The following CHRM1 variants were observed in gnomAD, a reference collection of about 807,000 sequenced individuals.
The protein encoded by CHRM1 is cholinergic receptor muscarinic 1.
A neutral mutation model predicts 31.6 loss-of-function variants in CHRM1; 5 were observed. That is an observed-to-expected ratio of 0.16 (90% CI 0.08 to 0.33). The LOEUF is 0.33. Ranked by LOEUF, CHRM1 falls within the 10% of genes least tolerant of loss-of-function variation. The pLI, the probability that CHRM1 is intolerant of heterozygous loss-of-function variation, is 1.00. For missense variants in CHRM1, 338 were observed against 610.3 expected, an observed-to-expected ratio of 0.55 and a Z score of 4.70; for synonymous variants, 227 against 249.7, an observed-to-expected ratio of 0.91 and a Z score of 0.86.
chr11:62,909,539 G>T lies in CHRM1; in HGVS notation c.*179C>A. On this transcript the variant is annotated 3_prime_UTR_variant, in exon 2 of 2. Coordinates refer to ENST00000306960, the MANE Select transcript of CHRM1 (RefSeq NM_000738.3). The stretch of plus-strand genomic sequence containing the variant: ...TTCCCCGGGTTTCCCTCCCTGCCTG[G>T]GAATAGCGAAGTCTGGAAAGTTGGC... The T allele has an allele frequency of 1.4e-6, 1 of 695,280 alleles. No individual in the cohort carries two copies. Among genetic ancestry groups the T allele is most frequent in the Non-Finnish European group, 2.4e-6 (1 of 423,250 alleles). 43.1% of individuals were successfully genotyped at this position (695,280 alleles called of 1,614,324 possible).
chr11:62,918,623 G>A (rs1429705881), intron 1 of CHRM1, among the ~76,000 whole-genome samples: 7 of 152,208 alleles, frequency 4.6e-5, no homozygotes, highest in African/African-American at 1.7e-4. Context: ...GAGGTGCCAG[G>A]ACAGACATGG....
chr11:62,915,302 C>T (rs2085894916), intron 1 of CHRM1, among the ~76,000 whole-genome samples: 1 of 149,972 alleles, frequency 6.7e-6, no homozygotes, highest in South Asian at 2.1e-4. Flanking sequence ...AAAACTTAGT[C>T]TTCAAGAAAA....
rs1199861018 is a variant in CHRM1 at position 62,920,979 on chromosome 11, G to A, written c.-79+239C>T. On this transcript the variant is annotated intron_variant, in intron 1 of 1. Transcript: ENST00000306960. ...GGGATCTCCATCTCCTCTGCCAGCA[G>A]AAGCCCAGAAAAACATCAGCTATAT... Among the ~76,000 whole-genome samples, 3 of 152,100 alleles carry A rather than the reference G, an allele frequency of 2.0e-5. No homozygotes were observed. The East Asian group carries it at 5.8e-4, about 29-fold the overall frequency.
intron 1 of CHRM1, among the ~76,000 whole-genome samples, chr11:62,916,420 C>T (rs1288030176): frequency 6.6e-6 from 1 of 152,210 alleles, no homozygotes; most frequent in African/African-American, 2.4e-5. Context: ...CTAGCTATAA[C>T]TTTGGTGAAT....
At chr11:62,916,781 T>C (rs2085902696) in intron 1 of CHRM1, 1 of 152,388 alleles carries the variant, frequency 6.6e-6, no homozygotes, top group Non-Finnish European at 1.5e-5. Context: ...GGTGGGATTC[T>C]GACCCGGACC....
intron 1 of CHRM1, among the ~76,000 whole-genome samples, chr11:62,911,585 C>A (rs757093862): frequency 6.6e-6 from 1 of 152,232 alleles, no homozygotes; most frequent in Non-Finnish European, 1.5e-5. Context: ...GTAGTCACTG[C>A]ATGCCAGACA....
rs992897196 is a variant in CHRM1, at chr11:62,911,133, C to T, written c.-33G>A. 7.5e-6 allele frequency: 12 copies of T among 1,600,390 alleles called. No homozygotes were observed. The highest frequency in any genetic ancestry group is 1.0e-5 in the Non-Finnish European group (12 of 1,172,250). The stretch of plus-strand genomic sequence containing the variant: ...AGGTGGGGCTGGGGTTGGAGAGCCC[C>T]TTCCTCCAGGCACGCTACAGGGCTT... On this transcript the variant is annotated 5_prime_UTR_variant, in exon 2 of 2. Transcript: ENST00000306960.
intron 1 of CHRM1, chr11:62,917,937 C>T (rs2085909237): frequency 6.6e-6 from 1 of 152,076 alleles, no homozygotes; most frequent in African/African-American, 2.4e-5. Context: ...TCCTGCTATC[C>T]CCAGTTTGCA....
chr11:62,912,797 C>T (rs1458550940), intron 1 of CHRM1, among the ~76,000 whole-genome samples: 1 of 152,182 alleles, frequency 6.6e-6, no homozygotes, highest in East Asian at 1.9e-4. Flanking sequence ...GTTGAGGGTC[C>T]CCTGACCCTC....
Position 62,910,430 on chromosome 11 carries a change from G to T in CHRM1, c.671C>A (p.Ala224Asp). The change falls in exon 2 of 2, where the codon GCC (alanine) becomes GAC (aspartate). Residue 224 changes from alanine to aspartate, a missense_variant. Physicochemically the swap from Ala to Asp is moderately radical, Grantham distance 126. This residue lies in a region of CHRM1 where 183 missense variants were observed against 223.4 expected (regional missense o/e 0.82). Coordinates refer to ENST00000306960, the MANE Select transcript of CHRM1 (RefSeq NM_000738.3). This position sits in a 1 kb window ranked among gnomAD's most constrained non-coding sequence, Gnocchi z 8.7. ...GCCTGGCGTCTCGGAGCCCTGAAGG[G>T]CTGCCAGCTCCCGTGCTCGGTTCTC... ...ETENRARELA[A>D]LQGSETPGKG... 6.2e-7 allele frequency: 1 copy of T among 1,613,334 alleles called. No individual in the cohort carries two copies. Among genetic ancestry groups the T allele is most frequent in the Non-Finnish European group, 8.5e-7 (1 of 1,180,040 alleles).
chr11:62,915,448 G>A (rs2085895549), intron 1 of CHRM1, among the ~76,000 whole-genome samples: 1 of 152,124 alleles, frequency 6.6e-6, no homozygotes, highest in Non-Finnish European at 1.5e-5. Flanking sequence ...CCTGACCCTG[G>A]TTCCAATAAA....
At chr11:62,911,761 A>G (rs1254397797) in intron 1 of CHRM1, among the ~76,000 whole-genome samples, 1 of 152,184 alleles carries the variant, frequency 6.6e-6, no homozygotes, top group African/African-American at 2.4e-5. Context: ...CCGCAAGAAC[A>G]GAAATGTGTC....
At chr11:62,917,240 C>T (rs1346761702) in intron 1 of CHRM1, among the ~76,000 whole-genome samples, 9 of 152,136 alleles carry the variant, frequency 5.9e-5, no homozygotes, top group Non-Finnish European at 1.0e-4. Context: ...CTGGGGAGAC[C>T]AGCCCTAGGC....
chr11:62,913,705 T>C (rs1017101892), intron 1 of CHRM1, among the ~76,000 whole-genome samples: 10 of 151,660 alleles, frequency 6.6e-5, no homozygotes, highest in Non-Finnish European at 1.5e-4. Context: ...AAATGTCTGA[T>C]ACTATGACAA....
At chr11:62,917,332 G>C (rs911133845) in intron 1 of CHRM1, among the ~76,000 whole-genome samples, 1 of 152,224 alleles carries the variant, frequency 6.6e-6, no homozygotes, top group African/African-American at 2.4e-5. Context: ...TGGTTGAAAA[G>C]GGGGCTTGAA....
intron 1 of CHRM1, among the ~76,000 whole-genome samples, chr11:62,913,749 A>G (rs1424229582): frequency 2.0e-5 from 3 of 151,622 alleles, no homozygotes; most frequent in African/African-American, 7.3e-5. Flanking sequence ...CATTGTTGTT[A>G]TTGAGAGCTC....
chr11:62,915,720 C>T (rs2085897007), intron 1 of CHRM1, among the ~76,000 whole-genome samples: 1 of 152,152 alleles, frequency 6.6e-6, no homozygotes, highest in Non-Finnish European at 1.5e-5. Flanking sequence ...CCCTGCTGCC[C>T]TCATCCCCAG....
In CHRM1 at chr11:62,910,033, C is replaced by A. The variant is rs146667628; in HGVS notation, c.1068G>T (p.Ser356=). 1.9e-6 allele frequency: 3 copies of A among 1,613,808 alleles called. No individual in the cohort carries two copies. Among genetic ancestry groups the A allele is most frequent in the Non-Finnish European group, 2.5e-6 (3 of 1,180,010 alleles). Residue 356 remains serine (S), a synonymous_variant, in exon 2 of 2, where the codon TCG becomes TCT. Transcript: ENST00000306960. The surrounding 1 kb of genome is among the most constrained non-coding windows in gnomAD (Gnocchi z 8.7). ...KEQLAKRKTF[S]LVKEKKAART... ...GAGCCGCCTTCTTCTCCTTGACCAG[C>A]GAGAAGGTCTTCCGCTTGGCCAGCT...
At chr11:62,912,597 A>C (rs2085877739) in intron 1 of CHRM1, among the ~76,000 whole-genome samples, 1 of 152,170 alleles carries the variant, frequency 6.6e-6, no homozygotes, top group Non-Finnish European at 1.5e-5. Flanking sequence ...TGCTCCAGGC[A>C]CTAAGCCTGG....
Sources: allele counts gnomAD v4.1 joint callset (sites outside exome capture counted in the v4.1 genomes callset), GRCh38; gene constraint gnomAD v4.1.1; regional missense constraint gnomAD v4.1.1; non-coding constraint Gnocchi (gnomAD v3.1); transcripts MANE v1.5; gene names NCBI Gene and HGNC (gene_info 2026-07-23, HGNC 2026-07-21).